The following ZNF677 variants were observed in gnomAD, a reference collection of about 807,000 sequenced individuals.
ZNF677 encodes the protein zinc finger protein 677.
A neutral mutation model predicts 8.1 loss-of-function variants in ZNF677; 5 were observed. That is an observed-to-expected ratio of 0.62 (90% CI 0.32 to 1.29). ZNF677 has a LOEUF of 1.29. ZNF677 is among the 50% of genes most tolerant of loss of function. The probability of loss-of-function intolerance (pLI) is 0.05; values close to 1 mark genes in which losing one functional copy is unlikely to be tolerated. For missense variants in ZNF677, 685 were observed against 685.9 expected, an observed-to-expected ratio of 1.00 and a Z score of 0.01; for synonymous variants, 221 against 225.6, an observed-to-expected ratio of 0.98 and a Z score of 0.18.
rs184325309 is a variant in ZNF677, at chr19:53,249,029, G to A, written c.15+2507C>T. 1.8e-3 allele frequency: 274 copies of A among 151,998 alleles called. 2 individuals carry two copies. Among genetic ancestry groups the A allele is most frequent in the African/African-American group, 6.4e-3 (265 of 41,430 alleles). 9.4% of individuals were successfully genotyped at this position (151,998 alleles called of 1,614,324 possible). Reference sequence around the variant, plus strand: ...ATAATTTCAATTAACCTAAAGTTTAGGTTAGCTGATTCTGTATTCTGTCAC... The same window carrying A: ...ATAATTTCAATTAACCTAAAGTTTAAGTTAGCTGATTCTGTATTCTGTCAC... On this transcript the variant is annotated intron_variant, in intron 3 of 4. Coordinates refer to ENST00000598513, the MANE Select transcript of ZNF677 (RefSeq NM_182609.4).
chr19:53,237,532 C>A lies in ZNF677; in HGVS notation c.1195G>T (p.Gly399Ter). 1 of 1,613,772 alleles carries A rather than the reference C, an allele frequency of 6.2e-7. No individual in the cohort carries two copies. Among genetic ancestry groups the A allele is most frequent in the Non-Finnish European group, 8.5e-7 (1 of 1,179,870 alleles). Residue 399 changes from glycine to a stop codon, truncating the protein, a stop_gained, in exon 5 of 5, where the codon GGA becomes TGA. Transcript: ENST00000598513. LOFTEE classifies it low-confidence loss of function (END_TRUNC). ...SLTQHKRIHT[G>*]EKPYICNECG... ...TCATTACATATGTAAGGCTTCTCTC[C>A]AGTATGGATTCTCTTATGTTGGGTA... is the stretch of plus-strand genomic sequence containing the variant.
At chr19:53,238,822 A>G (rs1270784951) in intron 4 of ZNF677, 3 of 240,186 alleles carry the variant, frequency 1.2e-5, no homozygotes, top group African/African-American at 6.8e-5. Context: ...ATCCACATAA[A>G]CTCTGAAAGA....
At chr19:53,251,454 A>C in intron 3 of ZNF677, 82 bp downstream of exon 3, 1 of 1,132,216 alleles carries the variant, frequency 8.8e-7, no homozygotes. Flanking sequence ...GACACTTCAG[A>C]GTCAGATAAA....
In ZNF677 at chr19:53,237,686, G is replaced by A. The variant is rs143592638; in HGVS notation, c.1041C>T (p.Tyr347=). 410 of 1,613,192 alleles carry A rather than the reference G, an allele frequency of 2.5e-4. No individual in the cohort carries two copies. The highest frequency in any genetic ancestry group is 3.2e-4 in the Non-Finnish European group (372 of 1,179,628). The change falls in exon 5 of 5, where the codon TAC becomes TAT. Residue 347 remains tyrosine (Y), a synonymous_variant. Transcript: ENST00000598513. Reference sequence around the variant, plus strand: ...ATGCCTTACCACATTCATTACATTTGTAAGGTTTCTCTCCAGTATGCATCC... The same window carrying A: ...ATGCCTTACCACATTCATTACATTTATAAGGTTTCTCTCCAGTATGCATCC... ...HQRMHTGEKP[Y]KCNECGKAFI...
intron 3 of ZNF677, 60 bp from the exon 4 acceptor site, chr19:53,243,957 A>C: frequency 8.8e-6 from 13 of 1,481,980 alleles, no homozygotes; most frequent in Non-Finnish European, 1.2e-5. Flanking sequence ...TTCACACAAA[A>C]TGGCAGAAAA....
chr19:53,253,171 G>T lies in ZNF677; in HGVS notation c.-126-15C>A, dbSNP rs2091261570. ...TATTGTGTGGGCTGCAGTGGAAAAG[G>T]AAGAGAAGAGGTTCATTTTGCTGTG... On this transcript the variant is annotated splice_polypyrimidine_tract_variant and intron_variant, in intron 1 of 4. Coordinates refer to ENST00000598513, the MANE Select transcript of ZNF677 (RefSeq NM_182609.4). 1.3e-5 allele frequency: 2 copies of T among 152,222 alleles called. No homozygotes were observed. The highest frequency in any genetic ancestry group is 1.3e-4 in the Admixed American group (2 of 15,282). 9.4% of individuals were successfully genotyped at this position (152,222 alleles called of 1,614,324 possible).
rs190395429 is a variant in ZNF677, at chr19:53,253,101, A to C, written c.-71T>G. 1 of 152,352 alleles carries C rather than the reference A, an allele frequency of 6.6e-6. No individual in the cohort carries two copies. Among genetic ancestry groups the C allele is most frequent in the Admixed American group, 6.5e-5 (1 of 15,304 alleles). The allele number at this position is 152,352 out of a possible 1,614,324, so 9.4% of individuals were successfully genotyped here. A position where few individuals can be genotyped will look rare whatever the true frequency, so the allele number is the denominator to read the frequency against. ...ATATATTTACCATTCATTAAGAAGA[A>C]GTGGATCATCACAGTTCATCTTCCT... is the stretch of plus-strand genomic sequence containing the variant. On this transcript the variant is annotated 5_prime_UTR_variant, in exon 2 of 5. Transcript: ENST00000598513.
rs1237721470 is a variant in ZNF677 at position 53,235,671 on chromosome 19, C to T, written c.*1301G>A. Reference sequence around the variant, plus strand: ...TTTCTTTCTACCACATATGCAGTCTCTAGTAACCGACCATTTCACTTCCAT... The same window carrying T: ...TTTCTTTCTACCACATATGCAGTCTTTAGTAACCGACCATTTCACTTCCAT... On this transcript the variant is annotated 3_prime_UTR_variant, in exon 5 of 5. Coordinates refer to ENST00000598513, the MANE Select transcript of ZNF677 (RefSeq NM_182609.4). 6.6e-6 allele frequency: 1 copy of T among 152,154 alleles called. No homozygotes were observed. The highest frequency in any genetic ancestry group is 1.5e-5 in the Non-Finnish European group (1 of 68,014). 9.4% of individuals were successfully genotyped at this position (152,154 alleles called of 1,614,324 possible).
At chr19:53,252,166 C>T (rs1220703102) in intron 2 of ZNF677, among the ~76,000 whole-genome samples, 2 of 152,168 alleles carry the variant, frequency 1.3e-5, no homozygotes, top group East Asian at 3.8e-4. Context: ...ACCCTATGCC[C>T]CGACCCCTTT....
intron 1 of ZNF677, among the ~76,000 whole-genome samples, chr19:53,254,089 C>T (rs2091277308): frequency 6.6e-6 from 1 of 152,196 alleles, no homozygotes. Context: ...TTTTCATGCT[C>T]TTCTGCACAA....
At chr19:53,254,775 G>C (rs1313078363) in intron 1 of ZNF677, 59 bp downstream of exon 1, 2 of 152,670 alleles carry the variant, frequency 1.3e-5, no homozygotes, top group South Asian at 2.1e-4. Flanking sequence ...CCCGACAGCG[G>C]AGCGTGGGAA....
intron 4 of ZNF677, chr19:53,243,064 C>A (rs1257263220): frequency 6.6e-6 from 1 of 152,368 alleles, no homozygotes; most frequent in East Asian, 1.9e-4. Flanking sequence ...TCCCACTGAT[C>A]TTTCCCATTT....
In ZNF677 at chr19:53,236,166, T is replaced by G. The variant is rs1216844808; in HGVS notation, c.*806A>C. 6.6e-6 allele frequency: 1 copy of G among 152,260 alleles called. No homozygotes were observed. Among genetic ancestry groups the G allele is most frequent in the East Asian group, 1.9e-4 (1 of 5,200 alleles). The allele number at this position is 152,260 out of a possible 1,614,324, so 9.4% of individuals were successfully genotyped here. On this transcript the variant is annotated 3_prime_UTR_variant, in exon 5 of 5. Transcript: ENST00000598513. ...TTGCAGTGAGCTGAGATGGTGCCAC[T>G]GCACTCCAGCCTGGGTGACAGAGCA...
chr19:53,237,018 T>C lies in ZNF677; in HGVS notation c.1709A>G (p.His570Arg), dbSNP rs987709384. 2 of 1,592,614 alleles carry C rather than the reference T, an allele frequency of 1.3e-6. No homozygotes were observed. The highest frequency in any genetic ancestry group is 1.4e-5 in the African/African-American group (1 of 73,688). ...DHQKSYNREK[H>R]IKYNETKIKY... Reference sequence around the variant, plus strand: ...AATTTTTGTCTCATTATATTTGATATGTTTTTCTCTATTATAACTTTTTTG... The same window carrying C: ...AATTTTTGTCTCATTATATTTGATACGTTTTTCTCTATTATAACTTTTTTG... Residue 570 changes from histidine (H) to arginine (R), a missense_variant, in exon 5 of 5, where the codon CAT (histidine) becomes CGT (arginine). His to Arg is a conservative substitution (Grantham distance 29). Transcript: ENST00000598513.
At position 53,248,472 on chromosome 19, in the gene ZNF677, T is replaced by C. The variant is rs971157596; in HGVS notation, c.15+3064A>G. ...TCCTTTTACTTCAGCCTAAAAGACT[T>C]TGCTTAACATTTCATGCAGGGTAAG... On this transcript the variant is annotated intron_variant, in intron 3 of 4. Coordinates refer to ENST00000598513, the MANE Select transcript of ZNF677 (RefSeq NM_182609.4). 7.2e-5 allele frequency among the ~76,000 whole-genome samples: 11 copies of C among 152,210 alleles called. 1 individual carries two copies. Among genetic ancestry groups the C allele is most frequent in the African/African-American group, 1.4e-4 (6 of 41,464 alleles).
At position 53,243,774 on chromosome 19, in the gene ZNF677, G is replaced by C; in HGVS notation, c.139C>G (p.Leu47Val). The change falls in exon 4 of 5, where the codon CTC (leucine) becomes GTC (valine). Residue 47 changes from leucine to valine, a missense_variant. Coordinates refer to ENST00000598513, the MANE Select transcript of ZNF677 (RefSeq NM_182609.4). ...TCTGGAGGGATGTTATCCTCATCGAGAGAAAGCAGGTTCCTGTAGTTCTCC... is the reference window on the plus strand; with the variant it reads ...TCTGGAGGGATGTTATCCTCATCGACAGAAAGCAGGTTCCTGTAGTTCTCC... ...MLENYRNLLS[L>V]DEDNIPPEDD... 6.2e-7 allele frequency: 1 copy of C among 1,614,182 alleles called. No homozygotes were observed. Among genetic ancestry groups the C allele is most frequent in the Non-Finnish European group, 8.5e-7 (1 of 1,180,036 alleles).
intron 1 of ZNF677, among the ~76,000 whole-genome samples, chr19:53,254,034 T>C (rs2091276357): frequency 6.6e-6 from 1 of 152,182 alleles, no homozygotes; most frequent in Admixed American, 6.5e-5. Flanking sequence ...TTGCTTCTGA[T>C]GTAATAATTA....
rs144139302 is a variant in ZNF677 at position 53,238,178 on chromosome 19, G to A, written c.549C>T (p.Tyr183=). 255 of 1,613,442 alleles carry A rather than the reference G, an allele frequency of 1.6e-4. 1 individual carries two copies. The East Asian group carries it at 5.2e-3, about 33-fold the overall frequency. ...KNNIRYAGNK[Y]VKCFENKIGL... The stretch of plus-strand genomic sequence containing the variant: ...CAATTTTATTTTCAAAACACTTCAC[G>A]TATTTGTTTCCGGCATACCTTATGT... Residue 183 remains tyrosine (Y), a synonymous_variant, in exon 5 of 5, where the codon TAC becomes TAT. Transcript: ENST00000598513.
chr19:53,243,739 G>GT lies in ZNF677; in HGVS notation c.169+4dup. On this transcript the variant is annotated splice_donor_region_variant and intron_variant, in intron 4 of 4. Transcript: ENST00000598513. ...AAAAATGTAAAGATGTACAAGGGTG[G>GT]TTACCATCTTCTGGAGGGATGTTAT... 3.7e-6 allele frequency: 6 copies of GT among 1,614,154 alleles called. No individual in the cohort carries two copies. Among genetic ancestry groups the GT allele is most frequent in the Non-Finnish European group, 5.1e-6 (6 of 1,180,026 alleles).
Sources: allele counts gnomAD v4.1 joint callset (sites outside exome capture counted in the v4.1 genomes callset), GRCh38; gene constraint gnomAD v4.1.1; transcripts MANE v1.5; gene names NCBI Gene and HGNC (gene_info 2026-07-23, HGNC 2026-07-21).